Variants in MACROD2 observed in about 807,000 individuals in gnomAD.
MACROD2 encodes the protein mono-ADP ribosylhydrolase 2.
A neutral mutation model predicts 70.4 loss-of-function variants in MACROD2; 36 were observed. The ratio of observed to expected loss-of-function variants is 0.51; its 90% CI spans 0.39 to 0.68. The LOEUF (loss-of-function observed/expected upper bound fraction) is 0.68. MACROD2 is among the 30% of genes least tolerant of loss of function. The probability of loss-of-function intolerance (pLI) is 0.00; values close to 1 mark genes in which losing one functional copy is unlikely to be tolerated. For synonymous variants in MACROD2, 172 were observed against 178.8 expected, an observed-to-expected ratio of 0.96 and a Z score of 0.30; for missense variants, 496 against 538.4, an observed-to-expected ratio of 0.92 and a Z score of 0.78.
intron 5 of MACROD2, among the ~76,000 whole-genome samples, chr20:15,126,857 G>A (rs946375090): frequency 6.6e-6 from 1 of 152,058 alleles, no homozygotes; most frequent in Non-Finnish European, 1.5e-5. Context: ...AATCTAAGTT[G>A]AAGCTTAGTA....
At chr20:15,967,678 A>C in intron 13 of MACROD2, 48 bp downstream of exon 13, 1 of 1,209,222 alleles carries the variant, frequency 8.3e-7, no homozygotes, top group Non-Finnish European at 1.1e-6. Context: ...CTGCTGGGAA[A>C]CAGAAAAAAA....
intron 3 of MACROD2, among the ~76,000 whole-genome samples, chr20:14,373,748 C>G (rs968374969): frequency 6.6e-6 from 1 of 152,048 alleles, no homozygotes; most frequent in Non-Finnish European, 1.5e-5. Context: ...AATTATGCAG[C>G]GAGAGTACAC....
At chr20:14,337,005 A>G (rs2082950653) in intron 3 of MACROD2, among the ~76,000 whole-genome samples, 1 of 152,216 alleles carries the variant, frequency 6.6e-6, no homozygotes, top group South Asian at 2.1e-4. Flanking sequence ...TTTCTTTCAC[A>G]GTTGTAAAAA....
chr20:14,861,683 A>G (rs2073319281), intron 5 of MACROD2, among the ~76,000 whole-genome samples: 1 of 151,592 alleles, frequency 6.6e-6, no homozygotes, highest in Non-Finnish European at 1.5e-5. Context: ...ACACAACCCC[A>G]GGAATTAGAA....
At chr20:15,972,540 T>C (rs1272759552) in intron 13 of MACROD2, among the ~76,000 whole-genome samples, 1 of 152,218 alleles carries the variant, frequency 6.6e-6, no homozygotes. Flanking sequence ...CCAGGCACAG[T>C]GGCTTACGCC....
chr20:14,562,545 A>G (rs1979507550), intron 4 of MACROD2, among the ~76,000 whole-genome samples: 2 of 151,896 alleles, frequency 1.3e-5, no homozygotes, highest in Admixed American at 6.6e-5. Flanking sequence ...TTTGTCAGGG[A>G]TAGCAACTGT....
At chr20:15,689,246 G>A (rs1423852442) in intron 8 of MACROD2, among the ~76,000 whole-genome samples, 1 of 151,986 alleles carries the variant, frequency 6.6e-6, no homozygotes, top group Non-Finnish European at 1.5e-5. Flanking sequence ...GGAGGTTGCA[G>A]TGAGCCGAGA....
intron 5 of MACROD2, among the ~76,000 whole-genome samples, chr20:15,199,509 A>C (rs987765494): frequency 6.6e-6 from 1 of 152,224 alleles, no homozygotes; most frequent in Non-Finnish European, 1.5e-5. Flanking sequence ...TAAGAATTAA[A>C]TGAGATATTA....
intron 15 of MACROD2, among the ~76,000 whole-genome samples, chr20:16,014,585 A>G (rs1384430642): frequency 6.6e-6 from 1 of 152,212 alleles, no homozygotes; most frequent in East Asian, 1.9e-4. Context: ...GAAGACTCTG[A>G]TCACCATCTG....
At chr20:15,891,081 A>AG (rs1381657170) in intron 10 of MACROD2, among the ~76,000 whole-genome samples, 11 of 152,282 alleles carry the variant, frequency 7.2e-5, no homozygotes, top group African/African-American at 2.6e-4. Flanking sequence ...TTCACATACA[A>AG]GTGATGTGTT....
chr20:15,702,040 C>T (rs560865899), intron 8 of MACROD2, among the ~76,000 whole-genome samples: 3 of 152,198 alleles, frequency 2.0e-5, no homozygotes, highest in South Asian at 2.1e-4. Context: ...GTATATGTAC[C>T]ACATTTCCTT....
chr20:15,566,567 C>A (rs749349992), intron 8 of MACROD2, among the ~76,000 whole-genome samples: 5 of 152,018 alleles, frequency 3.3e-5, no homozygotes, highest in Admixed American at 2.0e-4. Flanking sequence ...TGACTGGGAC[C>A]TCTGTGTTCA....
intron 6 of MACROD2, among the ~76,000 whole-genome samples, chr20:15,263,255 A>G (rs2077264615): frequency 6.6e-6 from 1 of 151,868 alleles, no homozygotes; most frequent in African/African-American, 2.4e-5. Context: ...ATTTTTCTCT[A>G]TATAGATATT....
In MACROD2 at chr20:15,848,042, C is replaced by T. The variant is rs568021746; in HGVS notation, c.646-14703C>T. ...TCAATAGCTATTAATTGTTTTCTTTCCCTTTCCATTCCCTTGAGAAGATTT... is the reference window on the plus strand; with the variant it reads ...TCAATAGCTATTAATTGTTTTCTTTTCCTTTCCATTCCCTTGAGAAGATTT... On this transcript the variant is annotated intron_variant, in intron 8 of 17. Coordinates refer to ENST00000684519, the MANE Select transcript of MACROD2 (RefSeq NM_001351661.2). Among the ~76,000 whole-genome samples, 17 of 152,224 alleles carry T rather than the reference C, an allele frequency of 1.1e-4. No homozygotes were observed. The East Asian group carries it at 3.3e-3, about 29-fold the overall frequency.
chr20:14,775,433 G>A (rs1027674884), intron 5 of MACROD2, among the ~76,000 whole-genome samples: 8 of 152,180 alleles, frequency 5.3e-5, no homozygotes, highest in African/African-American at 1.9e-4. Flanking sequence ...TGGGGAAGGA[G>A]AGCAGGTATT....
chr20:14,415,174 C>T (rs761932743), intron 3 of MACROD2, among the ~76,000 whole-genome samples: 56 of 151,994 alleles, frequency 3.7e-4, no homozygotes, highest in Middle Eastern at 6.8e-3. Context: ...AATAAAAACA[C>T]GAAAGGAAGT....
Position 15,258,469 on chromosome 20 carries a change from T to C in MACROD2, c.540+28408T>C, listed in dbSNP as rs547102814. Among the ~76,000 whole-genome samples the C allele has an allele frequency of 5.3e-5, 8 of 152,258 alleles. No individual in the cohort carries two copies. In the South Asian group the frequency reaches 1.7e-3, roughly 32 times the overall value. ...TTTTCTATGTTTAGATATGTTTAGA[T>C]ACACAAATACCATTGTGTTACAATT... On this transcript the variant is annotated intron_variant, in intron 6 of 17. Coordinates refer to ENST00000684519, the MANE Select transcript of MACROD2 (RefSeq NM_001351661.2).
At chr20:15,716,397 T>A (rs1160201313) in intron 8 of MACROD2, among the ~76,000 whole-genome samples, 1 of 152,190 alleles carries the variant, frequency 6.6e-6, no homozygotes, top group African/African-American at 2.4e-5. Flanking sequence ...GCATTTTGAT[T>A]ACAAGCAAAT....
intron 3 of MACROD2, among the ~76,000 whole-genome samples, chr20:14,383,786 G>T (rs889057140): frequency 6.6e-5 from 10 of 152,068 alleles, no homozygotes; most frequent in African/African-American, 2.2e-4. Context: ...CAATTAAGCT[G>T]ACTTAAAGAG....
Sources: allele counts gnomAD v4.1 joint callset (sites outside exome capture counted in the v4.1 genomes callset), GRCh38; gene constraint gnomAD v4.1.1; transcripts MANE v1.5; gene names NCBI Gene and HGNC (gene_info 2026-07-23, HGNC 2026-07-21).